The following PDE8B variants were observed in gnomAD, a reference collection of about 807,000 sequenced individuals.
The protein encoded by PDE8B is high affinity cAMP-specific and IBMX-insensitive 3',5'-cyclic phosphodiesterase 8B.
In PDE8B, 26 loss-of-function variants were observed where a neutral mutation model predicts 101.3. The observed-to-expected ratio is 0.26, with a 90% confidence interval of 0.19 to 0.36. The LOEUF is 0.36. Ranked by LOEUF, PDE8B falls within the 10% of genes least tolerant of loss-of-function variation. The pLI, the probability that PDE8B is intolerant of heterozygous loss-of-function variation, is 1.00. For synonymous variants in PDE8B, 424 were observed against 429.3 expected (o/e 0.99, Z 0.15); for missense variants, 810 against 1,163.1 (o/e 0.70, Z 4.42).
chr5:77,146,863 C>T, the PDE8B span: 4 of 353,674 alleles, frequency 1.1e-5, no homozygotes, highest in East Asian at 2.2e-4. Context: ...ACCCAAGAGG[C>T]ATTCTTTGGC....
At chr5:77,123,564 C>A in the PDE8B span, among the ~76,000 whole-genome samples, 5 of 152,032 alleles carry the variant, frequency 3.3e-5, no homozygotes, top group African/African-American at 1.2e-4. Flanking sequence ...TTGAGACCAG[C>A]CTGGGTAACA....
chr5:77,326,013 A>G (rs1775987107), intron 3 of PDE8B, among the ~76,000 whole-genome samples: 1 of 152,184 alleles, frequency 6.6e-6, no homozygotes, highest in Non-Finnish European at 1.5e-5. Flanking sequence ...GCTCATAAAA[A>G]ACATTAAAAT....
chr5:77,403,369 AGCAGTAT>A (rs1489308735), intron 11 of PDE8B, among the ~76,000 whole-genome samples: 1 of 152,198 alleles, frequency 6.6e-6, no homozygotes, highest in Non-Finnish European at 1.5e-5. Flanking sequence ...TCCTGTGATC[AGCAGTAT>A]GCATCATTTG....
At chr5:77,235,267 G>A (rs999488883) in intron 1 of PDE8B, among the ~76,000 whole-genome samples, 1 of 152,198 alleles carries the variant, frequency 6.6e-6, no homozygotes, top group Non-Finnish European at 1.5e-5. Flanking sequence ...GAAAATGGGA[G>A]CATAGACTAA....
intron 3 of PDE8B, among the ~76,000 whole-genome samples, chr5:77,326,847 T>C (rs182065410): frequency 7.5e-4 from 114 of 152,310 alleles, no homozygotes; most frequent in African/African-American, 2.5e-3. Context: ...ACTTCTTTGT[T>C]CCTATATATA....
At chr5:77,162,090 G>T in the PDE8B span, among the ~76,000 whole-genome samples, 1 of 151,636 alleles carries the variant, frequency 6.6e-6, no homozygotes, top group African/African-American at 2.4e-5. Flanking sequence ...AAGGTTGGAG[G>T]ATACAAGGCC....
intron 1 of PDE8B, among the ~76,000 whole-genome samples, chr5:77,285,315 GGTATCA>G (rs1294540257): frequency 6.6e-6 from 1 of 152,028 alleles, no homozygotes; most frequent in East Asian, 1.9e-4. Context: ...GTTTCCTTCT[GGTATCA>G]TTTCCTTTAA....
At position 77,233,261 on chromosome 5, in the gene PDE8B, A is replaced by T. The variant is rs576254934; in HGVS notation, c.339+21997A>T. On this transcript the variant is annotated intron_variant, in intron 1 of 21. Coordinates refer to ENST00000264917, the MANE Select transcript of PDE8B (RefSeq NM_003719.5). ...TCCACCTAAGAGAAGGCTGGGTGAC[A>T]CAATGCAAGCCCTACCATTGATGAA... 4.6e-5 allele frequency among the ~76,000 whole-genome samples: 7 copies of T among 152,222 alleles called. No homozygotes were observed. In the South Asian group the frequency reaches 1.5e-3, roughly 32 times the overall value.
intron 1 of PDE8B, among the ~76,000 whole-genome samples, chr5:77,282,618 G>A (rs1169765991): frequency 6.6e-6 from 1 of 152,036 alleles, no homozygotes; most frequent in African/African-American, 2.4e-5. Context: ...CCTATCTGCT[G>A]CTCGGAGGCA....
chr5:77,120,870 C>T, the PDE8B span, among the ~76,000 whole-genome samples: 2 of 152,322 alleles, frequency 1.3e-5, 1 homozygote, highest in East Asian at 3.9e-4. Flanking sequence ...TTAAAGCCCT[C>T]TTGCAGGTGC....
At chr5:77,117,222 C>T in the PDE8B span, among the ~76,000 whole-genome samples, 1 of 152,154 alleles carries the variant, frequency 6.6e-6, no homozygotes, top group African/African-American at 2.4e-5. Context: ...TCAGGACAAG[C>T]GCTCTGTCTC....
At chr5:77,407,602 C>T in intron 13 of PDE8B, 145 bp downstream of exon 13, 2 of 694,942 alleles carry the variant, frequency 2.9e-6, no homozygotes, top group Non-Finnish European at 5.2e-6. Flanking sequence ...AAATAAACAC[C>T]TCATCCTAAG....
intron 1 of PDE8B, among the ~76,000 whole-genome samples, chr5:77,292,747 C>CA (rs1767647527): frequency 6.6e-6 from 1 of 152,040 alleles, no homozygotes; most frequent in Non-Finnish European, 1.5e-5. Context: ...AGTAGAGATT[C>CA]AAAAAACTCT....
At chr5:77,328,887 C>T (rs561370955) in intron 3 of PDE8B, 111 bp from the exon 4 acceptor site, 1 of 837,072 alleles carries the variant, frequency 1.2e-6, no homozygotes, top group Non-Finnish European at 2.1e-6. Flanking sequence ...GAGACGTTTT[C>T]TTTAGAGAAA....
At chr5:77,315,394 C>T (rs1285422060) in intron 2 of PDE8B, among the ~76,000 whole-genome samples, 1 of 152,168 alleles carries the variant, frequency 6.6e-6, no homozygotes, top group Non-Finnish European at 1.5e-5. Flanking sequence ...TTGTTTCCAG[C>T]TCCACTTATT....
intron 10 of PDE8B, among the ~76,000 whole-genome samples, chr5:77,371,454 C>A (rs1785073163): frequency 6.6e-6 from 1 of 152,164 alleles, no homozygotes; most frequent in Non-Finnish European, 1.5e-5. Flanking sequence ...CTGTTCTTTG[C>A]ATTGATCTAT....
the PDE8B span, among the ~76,000 whole-genome samples, chr5:77,189,501 C>T: frequency 2.6e-5 from 4 of 152,100 alleles, no homozygotes; most frequent in African/African-American, 9.7e-5. Flanking sequence ...AGAATGCCTC[C>T]CTGATAATGT....
chr5:77,148,091 C>G, the PDE8B span: 2 of 152,114 alleles, frequency 1.3e-5, no homozygotes, highest in East Asian at 3.8e-4. Flanking sequence ...ACACAGGTAC[C>G]AAGACAAGAC....
At chr5:77,104,669 G>T in the PDE8B span, 2 of 152,114 alleles carry the variant, frequency 1.3e-5, no homozygotes, top group Non-Finnish European at 2.9e-5. Flanking sequence ...AATTTCTATT[G>T]TTTATAATGT....
Sources: allele counts gnomAD v4.1 joint callset (sites outside exome capture counted in the v4.1 genomes callset), GRCh38; gene constraint gnomAD v4.1.1; transcripts MANE v1.5; gene names NCBI Gene and HGNC (gene_info 2026-07-23, HGNC 2026-07-21).